ABLIM2: variants seen among roughly 807,000 people sequenced by gnomAD.
ABLIM2 encodes the protein actin-binding LIM protein 2.
In ABLIM2, 53 loss-of-function variants were observed where a neutral mutation model predicts 97.7. That is an observed-to-expected ratio of 0.54 (90% confidence interval 0.44 to 0.68). The LOEUF is 0.68. ABLIM2 is among the 30% of genes least tolerant of loss of function. The pLI is 0.00. For missense variants in ABLIM2, 835 were observed against 867.2 expected, an observed-to-expected ratio of 0.96 and a Z score of 0.47; for synonymous variants, 361 against 345.8, an observed-to-expected ratio of 1.04 and a Z score of -0.49.
Position 8,015,298 on chromosome 4 carries a change from C to T in ABLIM2, c.1423+4320G>A, listed in dbSNP as rs1435274943. The stretch of plus-strand genomic sequence containing the variant: ...AGAGGTTAGCGTGTCTTTTGTATCA[C>T]ACAGACAGTTCCTTCAGAGCCCCAA... On this transcript the variant is annotated intron_variant, in intron 14 of 20. Transcript: ENST00000447017. The surrounding 1 kb of genome is among the most constrained non-coding windows in gnomAD (Gnocchi z 4.6). Among the ~76,000 whole-genome samples, 6 of 152,104 alleles carry T rather than the reference C, an allele frequency of 3.9e-5. No homozygotes were observed. Among genetic ancestry groups the T allele is most frequent in the East Asian group, 1.9e-4 (1 of 5,168 alleles).
At chr4:8,012,828 C>G (rs180902536) in intron 14 of ABLIM2, among the ~76,000 whole-genome samples, 1 of 152,226 alleles carries the variant, frequency 6.6e-6, no homozygotes, top group Non-Finnish European at 1.5e-5. Context: ...ATCCATTCCT[C>G]TCTTTGTCCA....
rs142453143 is a variant in ABLIM2, at chr4:8,001,289, C to G, written c.1618+6770G>C. Among the ~76,000 whole-genome samples the G allele has an allele frequency of 6.6e-6, 1 of 152,112 alleles. No homozygotes were observed. The highest frequency in any genetic ancestry group is 6.5e-5 in the Admixed American group (1 of 15,286). ...GACAACATGAGCTCTCAGAGGGACACGGGGTGCCACCCAGGGCCTGTGCTG... is the reference window on the plus strand; with the variant it reads ...GACAACATGAGCTCTCAGAGGGACAGGGGGTGCCACCCAGGGCCTGTGCTG... On this transcript the variant is annotated intron_variant, in intron 16 of 20. Transcript: ENST00000447017. The surrounding 1 kb of genome is among the most constrained non-coding windows in gnomAD (Gnocchi z 4.2).
At chr4:8,089,954 G>C (rs1309424467) in intron 3 of ABLIM2, among the ~76,000 whole-genome samples, 1 of 152,118 alleles carries the variant, frequency 6.6e-6, no homozygotes, top group East Asian at 1.9e-4. Flanking sequence ...CCTGAAGCTG[G>C]AGACCACCGT....
In ABLIM2 at chr4:8,056,923, C is replaced by T. The variant is rs1799579825; in HGVS notation, c.764-2677G>A. Among the ~76,000 whole-genome samples the T allele has an allele frequency of 4.7e-5, 4 of 85,760 alleles. No homozygotes were observed. The Admixed American group carries it at 7.7e-4, about 16-fold the overall frequency. 56.3% of individuals were successfully genotyped at this position (85,760 alleles called of 152,430 possible). A position where few individuals can be genotyped will look rare whatever the true frequency, so the allele number is the denominator to read the frequency against. On this transcript the variant is annotated intron_variant, in intron 7 of 20. Transcript: ENST00000447017. ...CTCCACCCTGGGCGACAGAGCGAAACTCCGTCTCAAAAAAAAAAAAAAAAA... is the reference window on the plus strand; with the variant it reads ...CTCCACCCTGGGCGACAGAGCGAAATTCCGTCTCAAAAAAAAAAAAAAAAA...
intron 9 of ABLIM2, among the ~76,000 whole-genome samples, chr4:8,039,456 G>T (rs929364301): frequency 1.3e-5 from 2 of 152,192 alleles, no homozygotes; most frequent in East Asian, 1.9e-4. Flanking sequence ...AGGTTGCTAA[G>T]TGGCCTTGCA....
chr4:8,028,815 T>C (rs1779077363), intron 11 of ABLIM2, among the ~76,000 whole-genome samples: 1 of 152,246 alleles, frequency 6.6e-6, no homozygotes, highest in African/African-American at 2.4e-5. Context: ...TTGAGCAGAA[T>C]GTACCAGGCA....
At chr4:8,014,119 G>A (rs547472770) in intron 14 of ABLIM2, among the ~76,000 whole-genome samples, 3 of 152,356 alleles carry the variant, frequency 2.0e-5, no homozygotes, top group Non-Finnish European at 4.4e-5. Flanking sequence ...CTCCAGTGCA[G>A]AATCATTCCT....
At chr4:8,144,672 C>T (rs1207301018) in intron 1 of ABLIM2, among the ~76,000 whole-genome samples, 1 of 152,158 alleles carries the variant, frequency 6.6e-6, no homozygotes, top group Admixed American at 6.5e-5. Context: ...TCTATGTCCC[C>T]GCCTGTAAAA....
At chr4:8,153,132 G>A (rs1477503157) in intron 1 of ABLIM2, among the ~76,000 whole-genome samples, 1 of 152,160 alleles carries the variant, frequency 6.6e-6, no homozygotes, top group Non-Finnish European at 1.5e-5. Flanking sequence ...CGACAAGACA[G>A]GCCCCTTCAT....
chr4:8,062,980 C>A (rs1337541890), intron 6 of ABLIM2, among the ~76,000 whole-genome samples: 1 of 152,236 alleles, frequency 6.6e-6, no homozygotes, highest in East Asian at 1.9e-4. Context: ...GGACAGAAAG[C>A]AACCCTGCAG....
chr4:8,020,180 G>A (rs1169480503), intron 13 of ABLIM2, 22 bp downstream of exon 13: 1 of 1,605,188 alleles, frequency 6.2e-7, no homozygotes, highest in African/African-American at 1.3e-5. Flanking sequence ...AAGGAGCCCA[G>A]CCAGCGTGTC....
rs1743867461 is a variant in ABLIM2, at chr4:7,986,168, G to C, written c.1681-1275C>G. Among the ~76,000 whole-genome samples, 1 of 152,250 alleles carries C rather than the reference G, an allele frequency of 6.6e-6. No homozygotes were observed. The highest frequency in any genetic ancestry group is 1.9e-4 in the East Asian group (1 of 5,192). ...GGTACAGGGATCACATTTCAGCAGG[G>C]AGAGTTCTGCAGCCAAAGGAGAGAC... is the stretch of plus-strand genomic sequence containing the variant. On this transcript the variant is annotated intron_variant, in intron 17 of 20. Coordinates refer to ENST00000447017, the MANE Select transcript of ABLIM2 (RefSeq NM_001130083.2). The surrounding 1 kb of genome is among the most constrained non-coding windows in gnomAD (Gnocchi z 4.3).
Position 8,033,499 on chromosome 4 carries a change from T to A in ABLIM2, c.1047+2650A>T, listed in dbSNP as rs536074100. 6.6e-6 allele frequency among the ~76,000 whole-genome samples: 1 copy of A among 152,300 alleles called. No homozygotes were observed. The highest frequency in any genetic ancestry group is 2.1e-4 in the South Asian group (1 of 4,830). Reference sequence around the variant, plus strand: ...GGCCATCGGCATAGAGGAAGCTCTGTATGGACACACCTGACCCAGGAGCCC... The same window carrying A: ...GGCCATCGGCATAGAGGAAGCTCTGAATGGACACACCTGACCCAGGAGCCC... On this transcript the variant is annotated intron_variant, in intron 10 of 20. Transcript: ENST00000447017. The surrounding 1 kb of genome is among the most constrained non-coding windows in gnomAD (Gnocchi z 4.5).
At chr4:8,026,308 T>C (rs545483054) in intron 12 of ABLIM2, among the ~76,000 whole-genome samples, 2 of 152,330 alleles carry the variant, frequency 1.3e-5, no homozygotes, top group South Asian at 4.1e-4. Context: ...AGGTGAAGAC[T>C]TTGCTTCTTC....
intron 10 of ABLIM2, among the ~76,000 whole-genome samples, chr4:8,035,142 CT>C (rs552527783): frequency 1.6e-3 from 248 of 151,942 alleles, no homozygotes; most frequent in African/African-American, 5.9e-3. Context: ...CTTCCCTCAG[CT>C]CCCCCCACTG....
chr4:8,037,392 C>T (rs1202096424), intron 9 of ABLIM2, among the ~76,000 whole-genome samples: 3 of 151,908 alleles, frequency 2.0e-5, no homozygotes, highest in African/African-American at 7.2e-5. Flanking sequence ...GCATGTATAC[C>T]TCCACACAGA....
intron 1 of ABLIM2, among the ~76,000 whole-genome samples, chr4:8,117,524 C>A (rs1232021199): frequency 1.3e-5 from 2 of 151,070 alleles, no homozygotes; most frequent in African/African-American, 4.9e-5. Flanking sequence ...ACTCCACCCA[C>A]CACAGGCTCT....
chr4:8,095,029 C>T lies in ABLIM2; in HGVS notation c.338+2070G>A, dbSNP rs1294193786. Among the ~76,000 whole-genome samples, 2 of 132,742 alleles carry T rather than the reference C, an allele frequency of 1.5e-5. No homozygotes were observed. The highest frequency in any genetic ancestry group is 3.3e-5 in the Non-Finnish European group (2 of 60,592). The allele number at this position is 132,742 out of a possible 152,430, so 87.1% of individuals were successfully genotyped here. A position where few individuals can be genotyped will look rare whatever the true frequency, so the allele number is the denominator to read the frequency against. Reference sequence around the variant, plus strand: ...TTCTTTCTCTCTCTCTCTCCCCCCACTTCTTTCCTTCCTTCCTTCTTTCTT... The same window carrying T: ...TTCTTTCTCTCTCTCTCTCCCCCCATTTCTTTCCTTCCTTCCTTCTTTCTT... On this transcript the variant is annotated intron_variant, in intron 3 of 20. Coordinates refer to ENST00000447017, the MANE Select transcript of ABLIM2 (RefSeq NM_001130083.2). The surrounding 1 kb of genome is among the most constrained non-coding windows in gnomAD (Gnocchi z 4.7).
chr4:8,094,337 A>G (rs1430445427), intron 3 of ABLIM2, among the ~76,000 whole-genome samples: 1 of 152,162 alleles, frequency 6.6e-6, no homozygotes. Flanking sequence ...AACTCCTCAA[A>G]CACCGAGTTA....
Sources: allele counts gnomAD v4.1 joint callset (sites outside exome capture counted in the v4.1 genomes callset), GRCh38; gene constraint gnomAD v4.1.1; non-coding constraint Gnocchi (gnomAD v3.1); transcripts MANE v1.5; gene names NCBI Gene and HGNC (gene_info 2026-07-23, HGNC 2026-07-21).